The following PTPRT variants were observed in gnomAD, a reference collection of about 807,000 sequenced individuals.
PTPRT encodes the protein protein tyrosine phosphatase receptor type T.
A neutral mutation model predicts 176.8 loss-of-function variants in PTPRT; 56 were observed. The observed-to-expected ratio is 0.32, with a 90% CI of 0.26 to 0.40. The LOEUF is 0.40. Among genes scored for constraint, PTPRT ranks in the 10% least tolerant of loss-of-function variants. PTPRT has a pLI of 1.00. For missense variants in PTPRT, 1,540 were observed against 1,908.2 expected, an observed-to-expected ratio of 0.81 and a Z score of 3.60; for synonymous variants, 783 against 739.0, an observed-to-expected ratio of 1.06 and a Z score of -0.96.
intron 7 of PTPRT, among the ~76,000 whole-genome samples, chr20:42,544,472 T>C (rs1043462940): frequency 6.6e-6 from 1 of 152,224 alleles, no homozygotes; most frequent in Admixed American, 6.5e-5. Flanking sequence ...CTTAAGGGAA[T>C]GCTGCGGCTG....
intron 7 of PTPRT, among the ~76,000 whole-genome samples, chr20:42,545,167 C>T (rs185107961): frequency 1.3e-5 from 2 of 152,188 alleles, no homozygotes; most frequent in Non-Finnish European, 2.9e-5. Context: ...TAAGGTCATA[C>T]CCTTATCTAT....
chr20:42,486,238 A>G (rs1258885804), intron 7 of PTPRT, among the ~76,000 whole-genome samples: 1 of 152,202 alleles, frequency 6.6e-6, no homozygotes, highest in Non-Finnish European at 1.5e-5. Context: ...CCACCAAATG[A>G]TACTTCTTCA....
chr20:42,098,448 C>T lies in PTPRT; in HGVS notation c.3819G>A (p.Val1273=), dbSNP rs1335387772. The change falls in exon 27 of 31, where the codon GTG becomes GTA. Residue 1273 remains valine, a synonymous_variant. Transcript: ENST00000373187. Reference sequence around the variant, plus strand: ...GGGCAGTGTCCATCTCATTCAGCATCACCACAGAGGAGCAGTTGTAATCGA... The same window carrying T: ...GGGCAGTGTCCATCTCATTCAGCATTACCACAGAGGAGCAGTTGTAATCGA... ...LVFDYNCSSV[V]MLNEMDTAQF... 1 of 1,614,150 alleles carries T rather than the reference C, an allele frequency of 6.2e-7. No individual in the cohort carries two copies. Among genetic ancestry groups the T allele is most frequent in the Non-Finnish European group, 8.5e-7 (1 of 1,180,008 alleles).
At chr20:43,093,330 T>C (rs143246062) in intron 1 of PTPRT, among the ~76,000 whole-genome samples, 148 of 152,352 alleles carry the variant, frequency 9.7e-4, no homozygotes, top group African/African-American at 3.4e-3. Context: ...CACTTTACAA[T>C]GTGCATATAT....
chr20:42,719,837 C>T (rs1161025307), intron 6 of PTPRT, among the ~76,000 whole-genome samples: 1 of 152,126 alleles, frequency 6.6e-6, no homozygotes, highest in Non-Finnish European at 1.5e-5. Flanking sequence ...CCCACGTCCC[C>T]AGGTAGATGG....
At chr20:43,087,425 G>A (rs1323328631) in intron 1 of PTPRT, among the ~76,000 whole-genome samples, 1 of 133,664 alleles carries the variant, frequency 7.5e-6, no homozygotes, top group African/African-American at 2.9e-5. Flanking sequence ...ATGCAGTGGT[G>A]TGCTCTTGGC....
chr20:42,184,494 TC>T (rs745997178), intron 16 of PTPRT, among the ~76,000 whole-genome samples: 6 of 114,362 alleles, frequency 5.2e-5, no homozygotes, highest in South Asian at 3.6e-4. Flanking sequence ...CCCTCCTTCC[TC>T]CCCCCTTCCT....
intron 9 of PTPRT, among the ~76,000 whole-genome samples, chr20:42,390,772 T>C (rs948537488): frequency 6.6e-6 from 1 of 152,160 alleles, no homozygotes; most frequent in Non-Finnish European, 1.5e-5. Flanking sequence ...ATAAGCTAAG[T>C]CACTCTAAGA....
rs1278945854 is a variant in PTPRT at position 42,208,167 on chromosome 20, G to A, written c.2343-8779C>T. Among the ~76,000 whole-genome samples, 233 of 118,282 alleles carry A rather than the reference G, an allele frequency of 2.0e-3. 2 individuals carry two copies. Among genetic ancestry groups the A allele is most frequent in the African/African-American group, 7.8e-3 (218 of 27,932 alleles). The allele number at this position is 118,282 out of a possible 152,430, so 77.6% of individuals were successfully genotyped here. A position where few individuals can be genotyped will look rare whatever the true frequency, so the allele number is the denominator to read the frequency against. ...GCGCTAAACATGGAAAGGAGCAACC[G>A]GTACCAGCTGCTGCAAAATCATGCC... On this transcript the variant is annotated intron_variant, in intron 15 of 30. Transcript: ENST00000373187.
intron 11 of PTPRT, among the ~76,000 whole-genome samples, chr20:42,349,410 A>G (rs2058243973): frequency 6.6e-6 from 1 of 152,240 alleles, no homozygotes; most frequent in Non-Finnish European, 1.5e-5. Flanking sequence ...GATACAGCTC[A>G]GTGTCCCCAC....
At chr20:42,994,236 C>T (rs757120286) in intron 1 of PTPRT, among the ~76,000 whole-genome samples, 26 of 152,066 alleles carry the variant, frequency 1.7e-4, no homozygotes, top group Non-Finnish European at 7.4e-5. Flanking sequence ...ACTTGTAGGC[C>T]ACTTCCAAGC....
At chr20:42,477,031 G>T (rs1267746425) in intron 7 of PTPRT, among the ~76,000 whole-genome samples, 2 of 152,176 alleles carry the variant, frequency 1.3e-5, no homozygotes, top group Admixed American at 6.5e-5. Context: ...CCTGCAGGGG[G>T]CCTCACATAT....
At chr20:42,832,656 T>C (rs1394191190) in intron 2 of PTPRT, among the ~76,000 whole-genome samples, 1 of 140,892 alleles carries the variant, frequency 7.1e-6, no homozygotes, top group African/African-American at 2.7e-5. Context: ...TTGCAATAGA[T>C]GGCTTAGAAG....
intron 7 of PTPRT, among the ~76,000 whole-genome samples, chr20:42,641,869 G>A (rs2074762216): frequency 1.3e-5 from 2 of 152,132 alleles, no homozygotes; most frequent in Non-Finnish European, 2.9e-5. Context: ...CCAGTTTCCA[G>A]TCCCAGCTCT....
intron 1 of PTPRT, among the ~76,000 whole-genome samples, chr20:43,122,049 G>A (rs1448120632): frequency 6.6e-6 from 1 of 152,126 alleles, no homozygotes; most frequent in Non-Finnish European, 1.5e-5. Context: ...TAGGATTCTA[G>A]TCCCCGGCTT....
At chr20:42,820,077 G>A (rs1600787876) in intron 2 of PTPRT, among the ~76,000 whole-genome samples, 2 of 152,214 alleles carry the variant, frequency 1.3e-5, no homozygotes, top group South Asian at 2.1e-4. Context: ...CCTAGTAGAC[G>A]TCTATAGAAT....
At position 42,481,656 on chromosome 20, in the gene PTPRT, A is replaced by G. The variant is rs946877823; in HGVS notation, c.1154-9094T>C. 5.3e-5 allele frequency among the ~76,000 whole-genome samples: 8 copies of G among 151,698 alleles called. 1 individual carries two copies. Among genetic ancestry groups the G allele is most frequent in the African/African-American group, 1.9e-4 (8 of 41,292 alleles). The stretch of plus-strand genomic sequence containing the variant: ...TTTAATTTTTTTTTTAGAGGCAAGT[A>G]TCTCACTATTTGCCCAAGCGGGTCT... On this transcript the variant is annotated intron_variant, in intron 7 of 30. Transcript: ENST00000373187.
At chr20:42,169,487 A>G (rs1160464624) in intron 16 of PTPRT, among the ~76,000 whole-genome samples, 1 of 152,026 alleles carries the variant, frequency 6.6e-6, no homozygotes, top group African/African-American at 2.4e-5. Flanking sequence ...TGGGAGGAAT[A>G]TTGATGAATT....
At chr20:42,526,879 C>G (rs1249610522) in intron 7 of PTPRT, among the ~76,000 whole-genome samples, 3 of 151,584 alleles carry the variant, frequency 2.0e-5, no homozygotes, top group Admixed American at 2.0e-4. Context: ...CTTATTTTAG[C>G]CAGCAAAGAT....
Sources: gnomAD v4.1 joint callset for allele counts (sites outside exome capture counted in the v4.1 genomes callset) on GRCh38, gnomAD v4.1.1 for gene constraint, MANE v1.5 for transcripts, NCBI Gene and HGNC (gene_info 2026-07-23, HGNC 2026-07-21) for gene names.